The following CMTM4 variants were observed in gnomAD, a reference collection of about 807,000 sequenced individuals.
The protein encoded by CMTM4 is CKLF-like MARVEL transmembrane domain-containing protein 4.
Under a neutral mutation model 19.0 loss-of-function variants are expected in CMTM4, and 8 were observed. That is an observed-to-expected ratio of 0.42 (90% confidence interval 0.25 to 0.76). The LOEUF (loss-of-function observed/expected upper bound fraction) is 0.76, where lower values mean the gene tolerates loss of function less well. Ranked by LOEUF, CMTM4 falls within the 30% of genes least tolerant of loss-of-function variation. The pLI, the probability that CMTM4 is intolerant of heterozygous loss-of-function variation, is 0.27. For missense variants in CMTM4, 228 were observed against 290.2 expected (o/e 0.79, Z 1.56); for synonymous variants, 106 against 121.1 (o/e 0.88, Z 0.82).
At chr16:66,685,529 G>A (rs2017014780) in intron 1 of CMTM4, among the ~76,000 whole-genome samples, 1 of 152,120 alleles carries the variant, frequency 6.6e-6, no homozygotes, top group East Asian at 1.9e-4. Flanking sequence ...CTCTCTCCCA[G>A]GCACCCAGGT....
At chr16:66,605,100 C>A in the CMTM4 span, 1 of 810,000 alleles carries the variant, frequency 1.2e-6, no homozygotes, top group Non-Finnish European at 1.7e-6. This position sits in a 1 kb window ranked among gnomAD's most constrained non-coding sequence, Gnocchi z 4.6. Context: ...TCTCGGGCGC[C>A]TGGCGAAGTT....
At chr16:66,626,773 G>GAAA in intron 2 of CMTM4, among the ~76,000 whole-genome samples, 1 of 121,998 alleles carries the variant, frequency 8.2e-6, no homozygotes, top group Non-Finnish European at 1.8e-5. Context: ...CCGTCTCAAA[G>GAAA]AAAAAAAAAA....
intron 1 of CMTM4, among the ~76,000 whole-genome samples, chr16:66,678,621 T>C (rs1018142344): frequency 2.6e-5 from 4 of 152,202 alleles, no homozygotes; most frequent in African/African-American, 9.7e-5. Context: ...GCAAATTAAT[T>C]CTGTCTGGTG....
At chr16:66,656,781 C>T (rs1247062208) in intron 1 of CMTM4, among the ~76,000 whole-genome samples, 2 of 152,030 alleles carry the variant, frequency 1.3e-5, no homozygotes, top group African/African-American at 2.4e-5. Context: ...AAGGACACAT[C>T]GTCCCTTCTG....
the CMTM4 span, chr16:66,604,782 C>T: frequency 8.0e-7 from 1 of 1,242,472 alleles, no homozygotes; most frequent in African/African-American, 1.6e-5. Context: ...CAGGCCGAGC[C>T]CCGGCCCTAC....
chr16:66,611,000 C>T (rs920257486), downstream of CMTM4: 25 of 397,944 alleles, frequency 6.3e-5, no homozygotes, highest in African/African-American at 3.3e-4. The surrounding 1 kb of genome is among the most constrained non-coding windows in gnomAD (Gnocchi z 4.6). Flanking sequence ...CCCAGTTGCC[C>T]GCAGCAAGTG....
intron 1 of CMTM4, among the ~76,000 whole-genome samples, chr16:66,669,430 C>T (rs2016661322): frequency 6.8e-6 from 1 of 146,466 alleles, no homozygotes; most frequent in Admixed American, 7.0e-5. Flanking sequence ...ACTCATAGTA[C>T]TGTACACCAA....
At chr16:66,695,563 T>C (rs2144938011) in intron 1 of CMTM4, among the ~76,000 whole-genome samples, 1 of 152,274 alleles carries the variant, frequency 6.6e-6, no homozygotes, top group East Asian at 1.9e-4. Flanking sequence ...GAGAGGCCCC[T>C]GCCCAGAACA....
intron 2 of CMTM4, among the ~76,000 whole-genome samples, chr16:66,630,515 T>G (rs554645014): frequency 6.6e-6 from 1 of 151,924 alleles, no homozygotes; most frequent in East Asian, 1.9e-4. Flanking sequence ...GTTTTCGTAT[T>G]TTTTGGTGGA....
chr16:66,643,197 A>G (rs1014492907), intron 1 of CMTM4, among the ~76,000 whole-genome samples: 4 of 152,224 alleles, frequency 2.6e-5, no homozygotes, highest in South Asian at 2.1e-4. Context: ...CTGGGATTAC[A>G]GGCATGAGCC....
intron 1 of CMTM4, among the ~76,000 whole-genome samples, chr16:66,657,935 T>C (rs1381921028): frequency 1.3e-5 from 2 of 152,024 alleles, no homozygotes; most frequent in African/African-American, 4.8e-5. Flanking sequence ...AATTAGAAAA[T>C]CATTGGCCAG....
At chr16:66,641,856 A>G (rs1429164332) in intron 1 of CMTM4, among the ~76,000 whole-genome samples, 2 of 152,232 alleles carry the variant, frequency 1.3e-5, no homozygotes, top group East Asian at 1.9e-4. Flanking sequence ...TACCTATTAT[A>G]TATCTTATTT....
downstream of CMTM4, chr16:66,612,751 C>T (rs373886802): frequency 2.8e-5 from 29 of 1,042,366 alleles, no homozygotes; most frequent in East Asian, 1.2e-4. This position sits in a 1 kb window ranked among gnomAD's most constrained non-coding sequence, Gnocchi z 6.0. Flanking sequence ...GAGGGGGCTG[C>T]GGACACAGCA....
chr16:66,617,693 T>C lies in CMTM4; in HGVS notation c.*4365A>G. On this transcript the variant is annotated 3_prime_UTR_variant, in exon 4 of 4. Coordinates refer to ENST00000394106, the MANE Select transcript of CMTM4 (RefSeq NM_181521.3). ...TGAGAAGAGAAGAAACACAAGATTC[T>C]ACAAAGCGCCAGGGAAGTTTACAAA... The C allele has an allele frequency of 9.5e-7, 1 of 1,050,302 alleles. No homozygotes were observed. The highest frequency in any genetic ancestry group is 1.1e-6 in the Non-Finnish European group (1 of 870,240). 65.1% of individuals were successfully genotyped at this position (1,050,302 alleles called of 1,614,324 possible).
chr16:66,694,003 CAG>C (rs1480296856), intron 1 of CMTM4, among the ~76,000 whole-genome samples: 2 of 151,100 alleles, frequency 1.3e-5, no homozygotes, highest in Non-Finnish European at 2.9e-5. Flanking sequence ...GCCTGGGTAA[CAG>C]AGTTAGACCC....
At chr16:66,598,753 C>G in the CMTM4 span, among the ~76,000 whole-genome samples, 1 of 152,132 alleles carries the variant, frequency 6.6e-6, no homozygotes, top group Non-Finnish European at 1.5e-5. Context: ...TGGTTCGTTC[C>G]TTTTTCTTGC....
chr16:66,662,644 G>A (rs892120660), intron 1 of CMTM4, among the ~76,000 whole-genome samples: 1 of 152,054 alleles, frequency 6.6e-6, no homozygotes, highest in African/African-American at 2.4e-5. Flanking sequence ...TAGGGCATGA[G>A]CGAACCCCCT....
chr16:66,661,925 T>C (rs1218473161), intron 1 of CMTM4, among the ~76,000 whole-genome samples: 2 of 151,896 alleles, frequency 1.3e-5, no homozygotes, highest in Non-Finnish European at 2.9e-5. Context: ...AGAGCAAGAC[T>C]CTGTCTCAAA....
chr16:66,633,635 T>C (rs902281527), intron 2 of CMTM4, among the ~76,000 whole-genome samples: 6 of 152,192 alleles, frequency 3.9e-5, no homozygotes, highest in African/African-American at 1.4e-4. Flanking sequence ...CTGGCCAACG[T>C]GGCGAAACCT....
Sources: allele counts gnomAD v4.1 joint callset (sites outside exome capture counted in the v4.1 genomes callset), GRCh38; gene constraint gnomAD v4.1.1; non-coding constraint Gnocchi (gnomAD v3.1); transcripts MANE v1.5; gene names NCBI Gene and HGNC (gene_info 2026-07-23, HGNC 2026-07-21).